Variants in CHKA observed in about 807,000 individuals in gnomAD.
The protein encoded by CHKA is choline kinase alpha, also known as CHETK-alpha.
Under a neutral mutation model 60.1 loss-of-function variants are expected in CHKA, and 34 were observed. The observed-to-expected ratio is 0.57, with a 90% confidence interval of 0.43 to 0.75. CHKA has a LOEUF of 0.75. Among genes scored for constraint, CHKA ranks in the 30% least tolerant of loss-of-function variants. The probability of loss-of-function intolerance (pLI) is 0.00; values close to 1 mark genes in which losing one functional copy is unlikely to be tolerated. For missense variants in CHKA, 563 were observed against 561.3 expected, an observed-to-expected ratio of 1.00 and a Z score of -0.03; for synonymous variants, 217 against 223.1, an observed-to-expected ratio of 0.97 and a Z score of 0.24.
intron 2 of CHKA, among the ~76,000 whole-genome samples, chr11:68,085,277 G>A (rs746205726): frequency 2.6e-5 from 4 of 152,136 alleles, no homozygotes; most frequent in Non-Finnish European, 4.4e-5. Flanking sequence ...AGGTTGGAGT[G>A]CAGTGGCAGG....
rs148203075 is a variant in CHKA at position 68,053,872 on chromosome 11, T to C, written c.*116A>G. On this transcript the variant is annotated 3_prime_UTR_variant, in exon 12 of 12. Coordinates refer to ENST00000265689, the MANE Select transcript of CHKA (RefSeq NM_001277.3). ...TTTAGTATCATACACATGTGTTCAG[T>C]AGTGAGCCACCCAAAGCCTCCTGCC... The C allele has an allele frequency of 8.8e-3, 6,545 of 744,266 alleles. 49 individuals are homozygous for C. Among genetic ancestry groups the C allele is most frequent in the Non-Finnish European group, 0.011 (4,635 of 424,132 alleles). 46.1% of individuals were successfully genotyped at this position (744,266 alleles called of 1,614,324 possible).
intron 2 of CHKA, among the ~76,000 whole-genome samples, chr11:68,084,285 C>T (rs1288021436): frequency 7.0e-6 from 1 of 141,866 alleles, no homozygotes; most frequent in Non-Finnish European, 1.5e-5. Context: ...TATATATACA[C>T]ATATATATAC....
At chr11:68,118,569 G>A (rs766698098) in intron 1 of CHKA, among the ~76,000 whole-genome samples, 22 of 152,116 alleles carry the variant, frequency 1.4e-4, no homozygotes, top group Non-Finnish European at 2.9e-4. Flanking sequence ...CTCCTTCTCC[G>A]CACCTCCAAA....
Position 68,120,859 on chromosome 11 carries a change from G to T in CHKA, c.319C>A (p.Arg107Ser), listed in dbSNP as rs1258316430. The T allele has an allele frequency of 2.2e-6, 3 of 1,345,392 alleles. No individual in the cohort carries two copies. The highest frequency in any genetic ancestry group is 2.9e-6 in the Non-Finnish European group (3 of 1,033,156). 83.3% of individuals were successfully genotyped at this position (1,345,392 alleles called of 1,614,324 possible). Residue 107 changes from arginine (R) to serine (S), a missense_variant, in exon 1 of 12, where the codon CGC (arginine) becomes AGC (serine). Arg to Ser is a moderately radical substitution (Grantham distance 110, BLOSUM62 -1). Coordinates refer to ENST00000265689, the MANE Select transcript of CHKA (RefSeq NM_001277.3). Reference protein sequence around the residue: ...EFLPGAWRGLREDEFHISVIR... With the variant: ...EFLPGAWRGLSEDEFHISVIR... ...ACACTGATGTGGAACTCGTCCTCGC[G>T]GAGGCCCCGCCAGGCGCCGGGCAGG...
At chr11:68,079,134 C>T (rs1856891315) in intron 3 of CHKA, among the ~76,000 whole-genome samples, 1 of 151,808 alleles carries the variant, frequency 6.6e-6, no homozygotes, top group Admixed American at 6.6e-5. Context: ...GGGTTTCACC[C>T]TGTTGGCCAA....
chr11:68,068,662 C>T (rs1856520305), intron 7 of CHKA, among the ~76,000 whole-genome samples: 1 of 152,104 alleles, frequency 6.6e-6, no homozygotes, highest in South Asian at 2.1e-4. Flanking sequence ...AAGCAATCCT[C>T]CCACCTTGGC....
chr11:68,108,528 A>G (rs1590880650), intron 1 of CHKA, among the ~76,000 whole-genome samples: 1 of 152,216 alleles, frequency 6.6e-6, no homozygotes, highest in East Asian at 1.9e-4. Context: ...GAGGATCACG[A>G]GGTCAGGAGA....
chr11:68,099,649 G>A (rs930551989), intron 1 of CHKA, among the ~76,000 whole-genome samples: 5 of 152,208 alleles, frequency 3.3e-5, no homozygotes, highest in South Asian at 4.1e-4. Flanking sequence ...TTGGCGTGGC[G>A]CCTCAACTGT....
chr11:68,121,135 G>A lies in CHKA; in HGVS notation c.43C>T (p.Pro15Ser). ...FCTGGEAEPSPLGLLLSCGSG... is the reference protein window; with the variant it reads ...FCTGGEAEPSSLGLLLSCGSG... ...CCGCAGCTCAGCAGCAGCCCGAGCG[G>A]CGAGGGCTCCGCCTCGCCCCCGGTG... Residue 15 changes from proline (P) to serine (S), a missense_variant, in exon 1 of 12, where the codon CCG becomes TCG. Pro to Ser is a moderately conservative substitution (Grantham distance 74). Coordinates refer to ENST00000265689, the MANE Select transcript of CHKA (RefSeq NM_001277.3). 8 of 1,211,410 alleles carry A rather than the reference G, an allele frequency of 6.6e-6. No homozygotes were observed. The highest frequency in any genetic ancestry group is 8.3e-6 in the Non-Finnish European group (8 of 967,406). The allele number at this position is 1,211,410 out of a possible 1,614,324, so 75.0% of individuals were successfully genotyped here.
intron 2 of CHKA, among the ~76,000 whole-genome samples, chr11:68,088,850 T>G (rs961258322): frequency 6.6e-6 from 1 of 152,122 alleles, no homozygotes; most frequent in African/African-American, 2.4e-5. Flanking sequence ...CCCGGCCACT[T>G]TTAGCACTTT....
At chr11:68,081,541 G>C (rs994075454) in intron 2 of CHKA, 84 bp from the exon 3 acceptor site, 14 of 1,117,808 alleles carry the variant, frequency 1.3e-5, no homozygotes, top group South Asian at 1.1e-4. Flanking sequence ...GAACAGTCAG[G>C]GTTTACAAAA....
intron 6 of CHKA, among the ~76,000 whole-genome samples, chr11:68,069,314 T>C (rs1856541132): frequency 6.6e-6 from 1 of 152,196 alleles, no homozygotes; most frequent in South Asian, 2.1e-4. Flanking sequence ...TTTGACATTA[T>C]TTTATTTGTT....
chr11:68,056,325 C>T (rs566078511), intron 11 of CHKA, among the ~76,000 whole-genome samples: 4 of 152,150 alleles, frequency 2.6e-5, no homozygotes, highest in African/African-American at 4.8e-5. Context: ...GACCTTCTGC[C>T]GTCCTTTCAC....
At chr11:68,093,137 T>C (rs560164984) in intron 2 of CHKA, among the ~76,000 whole-genome samples, 1 of 152,180 alleles carries the variant, frequency 6.6e-6, no homozygotes, top group East Asian at 1.9e-4. Flanking sequence ...CCTCCAAAGT[T>C]GCTGGGACCA....
chr11:68,072,316 G>A (rs774601895), intron 4 of CHKA, among the ~76,000 whole-genome samples: 40 of 152,196 alleles, frequency 2.6e-4, no homozygotes, highest in African/African-American at 6.3e-4. Flanking sequence ...AGGCCAAGGC[G>A]GGAGGACTGC....
intron 3 of CHKA, among the ~76,000 whole-genome samples, chr11:68,079,945 T>C (rs1856924456): frequency 6.6e-6 from 1 of 152,148 alleles, no homozygotes; most frequent in African/African-American, 2.4e-5. Context: ...GACAGCCAGA[T>C]CTGTACTTTG....
At chr11:68,059,422 A>C (rs1246401883) in intron 11 of CHKA, among the ~76,000 whole-genome samples, 1 of 152,196 alleles carries the variant, frequency 6.6e-6, no homozygotes, top group Non-Finnish European at 1.5e-5. Context: ...ATGCCACTTG[A>C]CCATAATATA....
chr11:68,088,561 T>TG (rs1182887188), intron 2 of CHKA, among the ~76,000 whole-genome samples: 10 of 152,144 alleles, frequency 6.6e-5, no homozygotes, highest in Non-Finnish European at 1.5e-4. Flanking sequence ...ATGAGAACCA[T>TG]GACTCTATAG....
chr11:68,073,451 C>T (rs769109566), intron 4 of CHKA, among the ~76,000 whole-genome samples: 3 of 152,092 alleles, frequency 2.0e-5, no homozygotes, highest in South Asian at 2.1e-4. Context: ...GTCGGGAGTT[C>T]GAGACCAGCC....
Sources: gnomAD v4.1 joint callset for allele counts (sites outside exome capture counted in the v4.1 genomes callset) on GRCh38, gnomAD v4.1.1 for gene constraint, MANE v1.5 for transcripts, NCBI Gene and HGNC (gene_info 2026-07-23, HGNC 2026-07-21) for gene names.